The following SELENOI variants were observed in gnomAD, a reference collection of about 807,000 sequenced individuals.
The protein encoded by SELENOI is selenoprotein I, also known as ethanolaminephosphotransferase 1.
In SELENOI, 24 loss-of-function variants were observed where a neutral mutation model predicts 50.7. That is an observed-to-expected ratio of 0.47 (90% CI 0.34 to 0.67). The LOEUF is 0.67. Ranked by LOEUF, SELENOI falls within the 30% of genes least tolerant of loss-of-function variation. The probability of loss-of-function intolerance (pLI) is 0.01; values close to 1 mark genes in which losing one functional copy is unlikely to be tolerated. For missense variants in SELENOI, 352 were observed against 461.4 expected, an observed-to-expected ratio of 0.76 and a Z score of 2.17; for synonymous variants, 155 against 170.2, an observed-to-expected ratio of 0.91 and a Z score of 0.70.
intron 6 of SELENOI, among the ~76,000 whole-genome samples, chr2:26,377,568 G>A (rs1015007598): frequency 7.9e-5 from 12 of 152,040 alleles, no homozygotes; most frequent in Admixed American, 4.6e-4. Flanking sequence ...GGAAGTCGAG[G>A]CTGCAGTGAG....
chr2:26,365,066 T>C (rs1677259318), intron 3 of SELENOI, 126 bp downstream of exon 3: 1 of 611,414 alleles, frequency 1.6e-6, no homozygotes. Flanking sequence ...TGGCATCACC[T>C]TGCCTATTGA....
chr2:26,352,173 T>C (rs1411955053), intron 1 of SELENOI, among the ~76,000 whole-genome samples: 2 of 152,022 alleles, frequency 1.3e-5, no homozygotes, highest in South Asian at 2.1e-4. Flanking sequence ...TCTTAAGTGG[T>C]TCTTAGGCAC....
chr2:26,388,448 G>A (rs984043556), intron 9 of SELENOI, among the ~76,000 whole-genome samples: 5 of 151,928 alleles, frequency 3.3e-5, no homozygotes, highest in African/African-American at 1.2e-4. Context: ...ACAACTTCTG[G>A]CCAGAAGTTA....
At chr2:26,362,801 A>G (rs1307788412) in intron 1 of SELENOI, among the ~76,000 whole-genome samples, 1 of 152,146 alleles carries the variant, frequency 6.6e-6, no homozygotes, top group Non-Finnish European at 1.5e-5. Context: ...TGTGACTAGT[A>G]TAATATGTAA....
intron 1 of SELENOI, among the ~76,000 whole-genome samples, chr2:26,347,750 G>T (rs1443406367): frequency 6.6e-6 from 1 of 152,150 alleles, no homozygotes; most frequent in African/African-American, 2.4e-5. Context: ...CAATAAAATA[G>T]CTATTTCAAT....
Position 26,367,139 on chromosome 2 carries a change from T to G in SELENOI, c.236-7T>G. 6.2e-7 allele frequency: 1 copy of G among 1,605,828 alleles called. No homozygotes were observed. The highest frequency in any genetic ancestry group is 1.7e-4 in the Middle Eastern group (1 of 6,054). On this transcript the variant is annotated splice_region_variant and splice_polypyrimidine_tract_variant and intron_variant, in intron 3 of 9. Transcript: ENST00000260585. Reference sequence around the variant, plus strand: ...TGTATTAAAATCTTAGTTGCTTTCCTTTTCAGCACCAGGTCACAAGCACGT... The same window carrying G: ...TGTATTAAAATCTTAGTTGCTTTCCGTTTCAGCACCAGGTCACAAGCACGT...
At chr2:26,370,011 C>T (rs1181005979) in intron 4 of SELENOI, among the ~76,000 whole-genome samples, 4 of 149,902 alleles carry the variant, frequency 2.7e-5, no homozygotes, top group Non-Finnish European at 5.9e-5. Context: ...TGTGGCCTTC[C>T]GCAGCGTTTG....
At chr2:26,368,758 T>C (rs1677343548) in intron 4 of SELENOI, among the ~76,000 whole-genome samples, 1 of 152,228 alleles carries the variant, frequency 6.6e-6, no homozygotes, top group African/African-American at 2.4e-5. Context: ...TACATAGTTA[T>C]GAATTTAGTA....
At chr2:26,388,387 A>G (rs568403932) in intron 9 of SELENOI, among the ~76,000 whole-genome samples, 1 of 152,340 alleles carries the variant, frequency 6.6e-6, no homozygotes, top group South Asian at 2.1e-4. Flanking sequence ...TAACTGGAAA[A>G]CAATTTAGGA....
At chr2:26,386,964 AT>A (rs1423673745) in intron 9 of SELENOI, among the ~76,000 whole-genome samples, 1 of 152,138 alleles carries the variant, frequency 6.6e-6, no homozygotes, top group Non-Finnish European at 1.5e-5. Context: ...AAGAAATGTA[AT>A]TGGTTGTGTA....
chr2:26,360,754 G>A (rs1677156842), intron 1 of SELENOI, among the ~76,000 whole-genome samples: 1 of 152,146 alleles, frequency 6.6e-6, no homozygotes, highest in Non-Finnish European at 1.5e-5. Flanking sequence ...TGAAGTAAAG[G>A]AGTGTAGGGC....
At position 26,367,152 on chromosome 2, in the gene SELENOI, G is replaced by T; in HGVS notation, c.242G>T (p.Gly81Val). Residue 81 changes from glycine to valine, a missense_variant, in exon 4 of 10, where the codon GGT (glycine) becomes GTT (valine). By Grantham distance (109) the Gly-to-Val change is moderately radical. Coordinates refer to ENST00000260585, the MANE Select transcript of SELENOI (RefSeq NM_033505.4). ...TAGTTGCTTTCCTTTTCAGCACCAG[G>T]TCACAAGCACGTGCCTGACTGGGTT... is the stretch of plus-strand genomic sequence containing the variant. ...FDPDFYASAP[G>V]HKHVPDWVWI... The T allele has an allele frequency of 6.2e-7, 1 of 1,609,518 alleles. No individual in the cohort carries two copies. The highest frequency in any genetic ancestry group is 8.5e-7 in the Non-Finnish European group (1 of 1,177,848).
intron 1 of SELENOI, among the ~76,000 whole-genome samples, chr2:26,356,513 C>G (rs1677067704): frequency 6.6e-6 from 1 of 152,156 alleles, no homozygotes; most frequent in Non-Finnish European, 1.5e-5. Context: ...TATGTTAGAG[C>G]CAATTTCCTT....
intron 9 of SELENOI, among the ~76,000 whole-genome samples, 171 bp from the exon 10 acceptor site, chr2:26,388,834 C>T (rs1677902369): frequency 1.3e-5 from 2 of 152,278 alleles, no homozygotes; most frequent in South Asian, 4.1e-4. Flanking sequence ...TCTAGTACTT[C>T]CATTTAGCTG....
In SELENOI at chr2:26,393,028, T is replaced by G. The variant is rs1678004758; in HGVS notation, c.*3925T>G. On this transcript the variant is annotated 3_prime_UTR_variant, in exon 10 of 10. Coordinates refer to ENST00000260585, the MANE Select transcript of SELENOI (RefSeq NM_033505.4). ...TAAAATGGTGTTAAATCTCTGAAAC[T>G]TGAACGTATGATGCTCTGGACATTT... 6.5e-6 allele frequency: 1 copy of G among 152,672 alleles called. No homozygotes were observed. Among genetic ancestry groups the G allele is most frequent in the Non-Finnish European group, 1.5e-5 (1 of 68,054 alleles). The allele number at this position is 152,672 out of a possible 1,614,324, so 9.5% of individuals were successfully genotyped here. A position where few individuals can be genotyped will look rare whatever the true frequency, so the allele number is the denominator to read the frequency against.
chr2:26,350,832 T>C (rs1676940567), intron 1 of SELENOI, among the ~76,000 whole-genome samples: 1 of 152,138 alleles, frequency 6.6e-6, no homozygotes, highest in Non-Finnish European at 1.5e-5. Context: ...TTATATTATA[T>C]AGAGAGAAGG....
chr2:26,380,290 GTTTC>G (rs984657977), intron 6 of SELENOI, among the ~76,000 whole-genome samples: 1 of 151,974 alleles, frequency 6.6e-6, no homozygotes, highest in Non-Finnish European at 1.5e-5. Flanking sequence ...TCTTTTCATT[GTTTC>G]TTTCTTACTA....
chr2:26,385,999 T>TG (rs1677834876), intron 8 of SELENOI, among the ~76,000 whole-genome samples: 1 of 152,088 alleles, frequency 6.6e-6, no homozygotes, highest in South Asian at 2.1e-4. Flanking sequence ...CTTAATTGTG[T>TG]GGGGGTGTGG....
chr2:26,363,011 T>A (rs1250867460), intron 1 of SELENOI, among the ~76,000 whole-genome samples: 1 of 152,184 alleles, frequency 6.6e-6, no homozygotes, highest in Non-Finnish European at 1.5e-5. Context: ...TGTTTATGTA[T>A]GTCTTTTAAA....
Sources: gnomAD v4.1 joint callset for allele counts (sites outside exome capture counted in the v4.1 genomes callset) on GRCh38, gnomAD v4.1.1 for gene constraint, MANE v1.5 for transcripts, NCBI Gene and HGNC (gene_info 2026-07-23, HGNC 2026-07-21) for gene names.